Variants in OPRM1 observed in about 807,000 individuals in gnomAD.
OPRM1 encodes the protein mu-type opioid receptor.
A neutral mutation model predicts 31.8 loss-of-function variants in OPRM1; 27 were observed. The observed-to-expected ratio is 0.85, with a 90% CI of 0.63 to 1.17. OPRM1 has a LOEUF of 1.17. OPRM1 is among the 50% of genes most tolerant of loss of function. OPRM1 has a pLI of 0.00. For synonymous variants in OPRM1, 196 were observed against 189.9 expected, an observed-to-expected ratio of 1.03 and a Z score of -0.26; for missense variants, 536 against 511.1, an observed-to-expected ratio of 1.05 and a Z score of -0.47.
chr6:154,180,414 A>ATATATAT (rs1241250621), intron 3 of OPRM1, among the ~76,000 whole-genome samples: 60 of 65,244 alleles, frequency 9.2e-4, no homozygotes, highest in African/African-American at 2.7e-3. Flanking sequence ...ATATATATAT[A>ATATATAT]TTTTTTTTTT....
At chr6:154,208,014 T>C (rs1381954217) in intron 3 of OPRM1, among the ~76,000 whole-genome samples, 1 of 152,198 alleles carries the variant, frequency 6.6e-6, no homozygotes, top group African/African-American at 2.4e-5. Flanking sequence ...GCTTACTGTA[T>C]ACCCTCTCTT....
At chr6:154,029,147 T>C (rs1187394727) in intron 1 of OPRM1, among the ~76,000 whole-genome samples, 1 of 152,204 alleles carries the variant, frequency 6.6e-6, no homozygotes, top group African/African-American at 2.4e-5. Context: ...TAAGTTCAAA[T>C]ACAGATTCAC....
intron 3 of OPRM1, among the ~76,000 whole-genome samples, chr6:154,175,303 G>A (rs187899703): frequency 1.1e-3 from 168 of 150,450 alleles, no homozygotes; most frequent in African/African-American, 3.8e-3. Context: ...GCTAGCAGAA[G>A]GCAAGAAATA....
intron 1 of OPRM1, among the ~76,000 whole-genome samples, chr6:154,060,644 A>G (rs1358602533): frequency 1.3e-5 from 2 of 152,268 alleles, no homozygotes; most frequent in African/African-American, 4.8e-5. Flanking sequence ...CTGAGAGAAG[A>G]ATTCTTAGTT....
rs564384773 is a variant in OPRM1, at chr6:154,173,515, C to T, written c.1165-73178C>T. Among the ~76,000 whole-genome samples, 41 of 152,030 alleles carry T rather than the reference C, an allele frequency of 2.7e-4. No individual in the cohort carries two copies. The South Asian group carries it at 8.5e-3, about 32-fold the overall frequency. On this transcript the variant is annotated intron_variant, in intron 3 of 3. Coordinates refer to the OPRM1 transcript ENST00000337049. ...GCTGAAAACCACAGTACAAGAACTTCGTGAAGCATACACAAGCTTCAACAG... is the reference window on the plus strand; with the variant it reads ...GCTGAAAACCACAGTACAAGAACTTTGTGAAGCATACACAAGCTTCAACAG...
intron 1 of OPRM1, among the ~76,000 whole-genome samples, chr6:154,077,729 TAAA>T (rs1788181380): frequency 6.6e-6 from 1 of 151,976 alleles, no homozygotes; most frequent in South Asian, 2.1e-4. Context: ...AGATTCCATC[TAAA>T]AAAATAATTA....
chr6:154,221,362 T>A, intron 3 of OPRM1: 1 of 1,563,982 alleles, frequency 6.4e-7, no homozygotes, highest in Non-Finnish European at 8.8e-7. Flanking sequence ...ACATAAAAAA[T>A]TAGTGTTTAT....
intron 3 of OPRM1, among the ~76,000 whole-genome samples, chr6:154,101,775 C>T (rs1284906908): frequency 6.6e-6 from 1 of 151,952 alleles, no homozygotes; most frequent in African/African-American, 2.4e-5. Flanking sequence ...TTTCCAAACA[C>T]CTAGTTTTCA....
intron 1 of OPRM1, among the ~76,000 whole-genome samples, chr6:154,042,019 A>T (rs1780167765): frequency 6.6e-6 from 1 of 152,046 alleles, no homozygotes. Flanking sequence ...CCTCTTGTTG[A>T]CTTGGAGAAA....
intron 1 of OPRM1, among the ~76,000 whole-genome samples, chr6:154,023,086 G>C (rs1298521907): frequency 1.3e-5 from 2 of 152,198 alleles, no homozygotes; most frequent in Non-Finnish European, 2.9e-5. Context: ...TTTCTGTGAA[G>C]AATGTCATTG....
intron 3 of OPRM1, among the ~76,000 whole-genome samples, chr6:154,203,256 G>A (rs749285116): frequency 1.2e-4 from 18 of 152,036 alleles, no homozygotes; most frequent in Non-Finnish European, 2.2e-4. Flanking sequence ...CCCAACCTTC[G>A]TGTGTCTGTT....
At chr6:154,055,236 A>G (rs1417105933) in intron 1 of OPRM1, among the ~76,000 whole-genome samples, 1 of 152,060 alleles carries the variant, frequency 6.6e-6, no homozygotes, top group East Asian at 1.9e-4. Flanking sequence ...AAAAATACAA[A>G]AATTATCCGG....
intron 1 of OPRM1, chr6:154,011,163 A>G (rs1281455515): frequency 3.4e-5 from 24 of 712,204 alleles, no homozygotes; most frequent in Non-Finnish European, 4.9e-5. Context: ...GAAATAAGGA[A>G]TACCAAGCAC....
chr6:154,057,129 A>G (rs1277670821), intron 1 of OPRM1, among the ~76,000 whole-genome samples: 2 of 152,200 alleles, frequency 1.3e-5, no homozygotes, highest in African/African-American at 2.4e-5. Context: ...ATTTTTCCCT[A>G]AATTGAGCAG....
At chr6:154,073,706 C>G (rs1403860388) in intron 1 of OPRM1, 1 of 152,286 alleles carries the variant, frequency 6.6e-6, no homozygotes, top group Non-Finnish European at 1.5e-5. Flanking sequence ...CACACAAGGA[C>G]TTTAAAATAA....
At chr6:154,032,896 C>T (rs73788979) in intron 1 of OPRM1, among the ~76,000 whole-genome samples, 3,545 of 152,256 alleles carry the variant, frequency 0.023, 143 homozygotes, top group African/African-American at 0.082. Context: ...TTCCAGTGCT[C>T]ATGAGTTATT....
intron 1 of OPRM1, among the ~76,000 whole-genome samples, chr6:154,043,435 G>A (rs1269303386): frequency 6.6e-6 from 1 of 151,870 alleles, no homozygotes; most frequent in Non-Finnish European, 1.5e-5. Flanking sequence ...ATACTTGATT[G>A]AAACAGAAGT....
chr6:154,048,211 G>A (rs745812102), intron 1 of OPRM1, among the ~76,000 whole-genome samples: 4 of 152,146 alleles, frequency 2.6e-5, no homozygotes, highest in East Asian at 3.8e-4. Context: ...TAACGTTTAC[G>A]TAAATTAGGC....
At chr6:154,011,398 C>T (rs567224979) in intron 1 of OPRM1, among the ~76,000 whole-genome samples, 12 of 152,156 alleles carry the variant, frequency 7.9e-5, no homozygotes, top group Non-Finnish European at 1.5e-4. Context: ...TTAATATTTA[C>T]AAAAATCAGC....
Sources: gnomAD v4.1 joint callset for allele counts (sites outside exome capture counted in the v4.1 genomes callset) on GRCh38, gnomAD v4.1.1 for gene constraint, MANE v1.5 for transcripts, NCBI Gene and HGNC (gene_info 2026-07-23, HGNC 2026-07-21) for gene names.